GPC5: variants seen among roughly 807,000 people sequenced by gnomAD.
GPC5 encodes glypican 5, also known as glypican-5.
Under a neutral mutation model 53.9 loss-of-function variants are expected in GPC5, and 47 were observed. The observed-to-expected ratio is 0.87, with a 90% CI of 0.69 to 1.11. The LOEUF (loss-of-function observed/expected upper bound fraction) is 1.11. GPC5 is among the 50% of genes most tolerant of loss of function. The pLI, the probability that GPC5 is intolerant of heterozygous loss-of-function variation, is 0.00. For missense variants in GPC5, 748 were observed against 713.1 expected, an observed-to-expected ratio of 1.05 and a Z score of -0.56; for synonymous variants, 286 against 263.3, an observed-to-expected ratio of 1.09 and a Z score of -0.84.
intron 7 of GPC5, among the ~76,000 whole-genome samples, chr13:92,392,078 T>A (rs1594162500): frequency 6.6e-6 from 1 of 152,186 alleles, no homozygotes; most frequent in African/African-American, 2.4e-5. Flanking sequence ...AGCACCAAAA[T>A]TGGCAAAAAA....
At chr13:92,305,357 G>A (rs1190109479) in intron 7 of GPC5, among the ~76,000 whole-genome samples, 2 of 152,014 alleles carry the variant, frequency 1.3e-5, no homozygotes, top group Non-Finnish European at 2.9e-5. Flanking sequence ...TGAGGAAAAA[G>A]TCTCAAATAC....
intron 7 of GPC5, among the ~76,000 whole-genome samples, chr13:92,508,359 A>G (rs1414237490): frequency 6.6e-6 from 1 of 152,230 alleles, no homozygotes; most frequent in East Asian, 1.9e-4. Flanking sequence ...AAAATTTTAA[A>G]GTCCTAATCT....
intron 7 of GPC5, among the ~76,000 whole-genome samples, chr13:92,758,409 G>A (rs1312008440): frequency 6.6e-6 from 1 of 151,626 alleles, no homozygotes; most frequent in Non-Finnish European, 1.5e-5. Context: ...GCACCAGCAT[G>A]GCACATGTAT....
At chr13:92,506,822 G>C (rs760724889) in intron 7 of GPC5, among the ~76,000 whole-genome samples, 2 of 152,116 alleles carry the variant, frequency 1.3e-5, no homozygotes, top group African/African-American at 2.4e-5. Context: ...TCGCAGGCTC[G>C]ATTAAAATTT....
intron 6 of GPC5, among the ~76,000 whole-genome samples, chr13:92,071,225 G>C (rs1358733908): frequency 6.6e-6 from 1 of 152,056 alleles, no homozygotes; most frequent in East Asian, 1.9e-4. Flanking sequence ...AACAGAGCGA[G>C]ACTCTGTTGA....
chr13:92,604,770 G>A (rs1258835486), intron 7 of GPC5, among the ~76,000 whole-genome samples: 1 of 152,160 alleles, frequency 6.6e-6, no homozygotes, highest in Non-Finnish European at 1.5e-5. Flanking sequence ...CAACATAGAT[G>A]ATGTCCATTA....
At chr13:92,029,938 C>A (rs2040828106) in intron 6 of GPC5, among the ~76,000 whole-genome samples, 1 of 151,996 alleles carries the variant, frequency 6.6e-6, no homozygotes, top group African/African-American at 2.4e-5. Flanking sequence ...CCGTTCCTTA[C>A]CGAAGGAAAC....
intron 4 of GPC5, among the ~76,000 whole-genome samples, chr13:91,737,999 T>C (rs1352320125): frequency 6.6e-6 from 1 of 151,346 alleles, no homozygotes; most frequent in Non-Finnish European, 1.5e-5. Context: ...TATAGCATCC[T>C]GAGCTAAAGA....
intron 2 of GPC5, among the ~76,000 whole-genome samples, chr13:91,516,550 G>A (rs1162016869): frequency 6.6e-6 from 1 of 152,152 alleles, no homozygotes; most frequent in African/African-American, 2.4e-5. Context: ...CTGCTTTCAT[G>A]GGCTGGCATT....
At chr13:91,572,185 GTATACACACACATA>G (rs2031929356) in intron 2 of GPC5, among the ~76,000 whole-genome samples, 2 of 64,568 alleles carry the variant, frequency 3.1e-5, no homozygotes, top group Non-Finnish European at 8.6e-5. Flanking sequence ...ATATACGTGT[GTATACACACACATA>G]TGTATATATA....
chr13:92,460,437 T>TC (rs956152813), intron 7 of GPC5, among the ~76,000 whole-genome samples: 30 of 152,310 alleles, frequency 2.0e-4, no homozygotes, highest in African/African-American at 7.2e-4. Flanking sequence ...TCTTTTTTTT[T>TC]CTTTCTGCAA....
intron 2 of GPC5, among the ~76,000 whole-genome samples, chr13:91,504,301 A>T (rs1031962009): frequency 6.6e-6 from 1 of 152,130 alleles, no homozygotes; most frequent in Non-Finnish European, 1.5e-5. Flanking sequence ...AGGATCATTT[A>T]TATCTCTGAA....
chr13:92,381,946 A>C (rs2043750775), intron 7 of GPC5, among the ~76,000 whole-genome samples: 1 of 121,320 alleles, frequency 8.2e-6, no homozygotes, highest in African/African-American at 3.5e-5. Flanking sequence ...ATATGAAATA[A>C]TATCTATGTA....
intron 1 of GPC5, among the ~76,000 whole-genome samples, chr13:91,410,547 T>C (rs10467327): frequency 0.031 from 4,748 of 151,446 alleles, 244 homozygotes; most frequent in African/African-American, 0.1. Context: ...GGGGTTTCAC[T>C]GTGTTAGCCA....
intron 6 of GPC5, among the ~76,000 whole-genome samples, chr13:92,115,316 G>A (rs753903092): frequency 6.6e-5 from 10 of 152,262 alleles, no homozygotes; most frequent in Non-Finnish European, 1.5e-4. Flanking sequence ...AGACCATTCT[G>A]GCCAACATGG....
intron 7 of GPC5, among the ~76,000 whole-genome samples, chr13:92,476,182 C>T (rs1402075461): frequency 6.6e-6 from 1 of 151,820 alleles, no homozygotes; most frequent in Non-Finnish European, 1.5e-5. Context: ...ACAATGAACT[C>T]AAACAAATTT....
intron 7 of GPC5, among the ~76,000 whole-genome samples, chr13:92,333,296 A>G (rs2043300683): frequency 6.6e-6 from 1 of 152,176 alleles, no homozygotes; most frequent in Non-Finnish European, 1.5e-5. Context: ...CCACTTCAGA[A>G]TATGCCAGAG....
intron 7 of GPC5, among the ~76,000 whole-genome samples, chr13:92,243,368 T>C (rs2042627592): frequency 2.0e-5 from 3 of 152,128 alleles, no homozygotes; most frequent in African/African-American, 7.2e-5. Flanking sequence ...TTGTAGAAAA[T>C]TTTCTGTTTT....
intron 7 of GPC5, among the ~76,000 whole-genome samples, chr13:92,204,512 C>T (rs1170504325): frequency 2.6e-5 from 4 of 152,104 alleles, no homozygotes; most frequent in Admixed American, 1.3e-4. Flanking sequence ...AATCAGGGTC[C>T]AATTACAAAA....
Sources: allele counts gnomAD v4.1 joint callset (sites outside exome capture counted in the v4.1 genomes callset), GRCh38; gene constraint gnomAD v4.1.1; transcripts MANE v1.5; gene names NCBI Gene and HGNC (gene_info 2026-07-23, HGNC 2026-07-21).